The following DIPK1A variants were observed in gnomAD, a reference collection of about 807,000 sequenced individuals.
DIPK1A encodes divergent protein kinase domain 1A.
DIPK1A carries 27 observed loss-of-function variants against 40.8 expected under a neutral mutation model. That is an observed-to-expected ratio of 0.66 (90% CI 0.49 to 0.91). The LOEUF (loss-of-function observed/expected upper bound fraction) is 0.91, where lower values mean the gene tolerates loss of function less well. Among genes scored for constraint, DIPK1A ranks in the 40% least tolerant of loss-of-function variants. The pLI is 0.00. For missense variants in DIPK1A, 412 were observed against 505.7 expected (o/e 0.81, Z 1.78); for synonymous variants, 166 against 171.3 (o/e 0.97, Z 0.24).
At chr1:92,919,623 G>A (rs941147821) in intron 1 of DIPK1A, among the ~76,000 whole-genome samples, 1 of 152,154 alleles carries the variant, frequency 6.6e-6, no homozygotes, top group South Asian at 2.1e-4. Flanking sequence ...ATTACTCTGA[G>A]TATACTATGC....
At chr1:92,952,272 T>C (rs535564291) in intron 1 of DIPK1A, among the ~76,000 whole-genome samples, 4 of 152,292 alleles carry the variant, frequency 2.6e-5, no homozygotes, top group Non-Finnish European at 5.9e-5. Flanking sequence ...AAACATTTTT[T>C]TCCTGAACCA....
intron 1 of DIPK1A, among the ~76,000 whole-genome samples, chr1:92,896,685 CA>C (rs1649181277): frequency 6.6e-6 from 1 of 151,918 alleles, no homozygotes; most frequent in Non-Finnish European, 1.5e-5. Flanking sequence ...AGCTTCTGCA[CA>C]GCAAAGAAAC....
rs769850716 is a variant in DIPK1A, at chr1:92,833,055, A to C, written c.475-21T>G. 1.1e-4 allele frequency: 78 copies of C among 732,084 alleles called. No individual in the cohort carries two copies. The highest frequency in any genetic ancestry group is 4.5e-4 in the Middle Eastern group (2 of 4,426). 45.3% of individuals were successfully genotyped at this position (732,084 alleles called of 1,614,324 possible). On this transcript the variant is annotated intron_variant, in intron 4 of 4. Coordinates refer to the DIPK1A transcript ENST00000615519. ...TGGTCCTTGAAGAAACAAATATGGA[A>C]ATTGAAAGCGTTTAAAACCTTTTGA... is the stretch of plus-strand genomic sequence containing the variant.
downstream of DIPK1A, among the ~76,000 whole-genome samples, chr1:92,838,535 T>C (rs1687213682): frequency 6.6e-6 from 1 of 152,236 alleles, no homozygotes; most frequent in Non-Finnish European, 1.5e-5. Context: ...TATATGTGCC[T>C]TCCTTCAGCT....
intron 2 of DIPK1A, among the ~76,000 whole-genome samples, chr1:92,867,146 T>C (rs1647584070): frequency 6.6e-6 from 1 of 152,114 alleles, no homozygotes; most frequent in South Asian, 2.1e-4. Flanking sequence ...GCCTAAATAA[T>C]TTGCCCAACT....
intron 1 of DIPK1A, among the ~76,000 whole-genome samples, chr1:92,917,580 C>G (rs1299280682): frequency 1.3e-5 from 2 of 152,132 alleles, no homozygotes; most frequent in African/African-American, 4.8e-5. Flanking sequence ...AAAGGTTCCC[C>G]CATTCTTCTT....
intron 2 of DIPK1A, among the ~76,000 whole-genome samples, chr1:92,857,479 G>T (rs1328753384): frequency 1.3e-5 from 2 of 151,832 alleles, no homozygotes; most frequent in Non-Finnish European, 2.9e-5. Flanking sequence ...CTGCCATCAC[G>T]CCCAGCTAAT....
chr1:92,958,557 C>A (rs959141747), intron 1 of DIPK1A, among the ~76,000 whole-genome samples: 1 of 152,182 alleles, frequency 6.6e-6, no homozygotes, highest in Non-Finnish European at 1.5e-5. Context: ...CCCCTCCCCC[C>A]AAACAGAACA....
intron 1 of DIPK1A, among the ~76,000 whole-genome samples, chr1:92,940,330 C>T (rs922748836): frequency 1.3e-5 from 2 of 152,126 alleles, no homozygotes; most frequent in African/African-American, 4.8e-5. Flanking sequence ...CACATCTGTC[C>T]GAGCACATCC....
At chr1:92,961,335 G>T in intron 1 of DIPK1A, 41 bp downstream of exon 1, 1 of 1,454,516 alleles carries the variant, frequency 6.9e-7, no homozygotes, top group Non-Finnish European at 9.2e-7. Flanking sequence ...GCACACGGCC[G>T]GGTGCTCCCG....
At chr1:92,840,987 T>C, downstream of DIPK1A, 1 of 404,032 alleles carries the variant, frequency 2.5e-6, no homozygotes, top group Non-Finnish European at 4.8e-6. Context: ...GGCCCACAAA[T>C]ACAATGTATA....
intron 1 of DIPK1A, among the ~76,000 whole-genome samples, chr1:92,878,916 A>G (rs1405184133): frequency 6.6e-6 from 1 of 152,006 alleles, no homozygotes; most frequent in African/African-American, 2.4e-5. Flanking sequence ...CTGAGGCAGG[A>G]AAACTGCTTG....
At chr1:92,938,658 T>A (rs967320411) in intron 1 of DIPK1A, among the ~76,000 whole-genome samples, 1 of 152,076 alleles carries the variant, frequency 6.6e-6, no homozygotes, top group Non-Finnish European at 1.5e-5. Flanking sequence ...AATGTATAAT[T>A]TTTGGATATA....
chr1:92,961,395 C>T lies in DIPK1A; in HGVS notation c.35G>A (p.Arg12Lys). 1 of 1,531,256 alleles carries T rather than the reference C, an allele frequency of 6.5e-7. No homozygotes were observed. The highest frequency in any genetic ancestry group is 8.8e-7 in the Non-Finnish European group (1 of 1,137,072). The allele number at this position is 1,531,256 out of a possible 1,614,324, so 94.9% of individuals were successfully genotyped here. Reference protein sequence around the residue: ...ARSLCPGAWLRKPYYLQARFS... With the variant: ...ARSLCPGAWLKKPYYLQARFS... ...GCCTACCTGGAGGTAATAGGGTTTC[C>T]TTAGCCAGGCCCCCGGACAGAGACT... The change falls in exon 1 of 5, where the codon AGG (arginine) becomes AAG (lysine). Residue 12 changes from arginine (R) to lysine (K), a missense_variant. By Grantham distance (26) the Arg-to-Lys change is conservative. Coordinates refer to ENST00000370310, the MANE Select transcript of DIPK1A (RefSeq NM_001006605.5).
intron 1 of DIPK1A, chr1:92,930,887 C>T (rs1650720928): frequency 6.6e-6 from 1 of 152,118 alleles, no homozygotes. Context: ...TAAGATGGTC[C>T]CTTCCTGGGG....
intron 1 of DIPK1A, among the ~76,000 whole-genome samples, chr1:92,909,683 G>A (rs903698244): frequency 2.0e-5 from 3 of 152,166 alleles, no homozygotes; most frequent in African/African-American, 7.2e-5. Context: ...TTGGCCCTAG[G>A]TGTAGAGCAG....
Position 92,880,865 on chromosome 1 carries a change from G to T in DIPK1A, c.55-4435C>A, listed in dbSNP as rs149139678. On this transcript the variant is annotated intron_variant, in intron 1 of 4. Transcript: ENST00000370310. ...AGCCTGGGCAACAGAGCGAGACTCC[G>T]TCTCCAAACAAACAAACAAACAAAC... 6.1e-5 allele frequency among the ~76,000 whole-genome samples: 9 copies of T among 148,258 alleles called. 1 individual carries two copies. The highest frequency in any genetic ancestry group is 2.3e-4 in the African/African-American group (9 of 38,706).
At chr1:92,860,615 C>A (rs1422416657) in intron 2 of DIPK1A, among the ~76,000 whole-genome samples, 1 of 110,496 alleles carries the variant, frequency 9.1e-6, no homozygotes, top group African/African-American at 3.4e-5. Flanking sequence ...CTTGGTGAAA[C>A]CCAATTTCTA....
chr1:92,880,918 G>A (rs1251489649), intron 1 of DIPK1A, among the ~76,000 whole-genome samples: 2 of 150,584 alleles, frequency 1.3e-5, no homozygotes, highest in Non-Finnish European at 2.9e-5. Context: ...CTGGCGGGGC[G>A]CGGTGGCTCA....
Sources: allele counts gnomAD v4.1 joint callset (sites outside exome capture counted in the v4.1 genomes callset), GRCh38; gene constraint gnomAD v4.1.1; transcripts MANE v1.5; gene names NCBI Gene and HGNC (gene_info 2026-07-23, HGNC 2026-07-21).